Variants in L3MBTL3 observed in about 807,000 individuals in gnomAD.
The protein encoded by L3MBTL3 is lethal(3)malignant brain tumor-like protein 3.
In L3MBTL3, 27 loss-of-function variants were observed where a neutral mutation model predicts 102.3. The ratio of observed to expected loss-of-function variants is 0.26; its 90% CI spans 0.19 to 0.36. The LOEUF (loss-of-function observed/expected upper bound fraction) is 0.36. Ranked by LOEUF, L3MBTL3 falls within the 10% of genes least tolerant of loss-of-function variation. The probability of loss-of-function intolerance (pLI) is 1.00; values close to 1 mark genes in which losing one functional copy is unlikely to be tolerated. For synonymous variants in L3MBTL3, 340 were observed against 320.9 expected, an observed-to-expected ratio of 1.06 and a Z score of -0.64; for missense variants, 798 against 955.3, an observed-to-expected ratio of 0.84 and a Z score of 2.17.
intron 18 of L3MBTL3, among the ~76,000 whole-genome samples, chr6:130,098,092 A>G (rs75885987): frequency 0.026 from 3,949 of 152,268 alleles, 94 homozygotes; most frequent in Non-Finnish European, 0.04. Flanking sequence ...AACATTCTGC[A>G]CATCAAGTGC....
intron 3 of L3MBTL3, among the ~76,000 whole-genome samples, 183 bp downstream of exon 3, chr6:130,042,984 G>C (rs1780517485): frequency 1.3e-5 from 2 of 152,222 alleles, no homozygotes; most frequent in South Asian, 4.1e-4. Flanking sequence ...GAATGGCAGA[G>C]CCTTTGTCAC....
intron 10 of L3MBTL3, among the ~76,000 whole-genome samples, chr6:130,061,410 C>G (rs1781897164): frequency 6.6e-6 from 1 of 152,160 alleles, no homozygotes. Context: ...GTTCTCAAAA[C>G]AACCTTTTGA....
intron 14 of L3MBTL3, among the ~76,000 whole-genome samples, chr6:130,078,973 T>G (rs1489912793): frequency 1.3e-5 from 2 of 152,230 alleles, no homozygotes; most frequent in African/African-American, 4.8e-5. Context: ...AGTTCTGTTT[T>G]AAAAGATCTT....
At chr6:130,040,331 CAAAAAA>C (rs200580576) in intron 2 of L3MBTL3, among the ~76,000 whole-genome samples, 6 of 100,524 alleles carry the variant, frequency 6.0e-5, no homozygotes, top group Non-Finnish European at 1.3e-4. Flanking sequence ...AACTCTGTCT[CAAAAAA>C]AAAAAAAAAA....
chr6:130,064,817 G>A (rs914635633), intron 10 of L3MBTL3, among the ~76,000 whole-genome samples: 2 of 152,240 alleles, frequency 1.3e-5, no homozygotes, highest in East Asian at 1.9e-4. Flanking sequence ...CGGTGAGCCT[G>A]AGATAGAGAC....
At chr6:130,105,934 G>A (rs1328742870) in intron 19 of L3MBTL3, among the ~76,000 whole-genome samples, 1 of 152,104 alleles carries the variant, frequency 6.6e-6, no homozygotes, top group Non-Finnish European at 1.5e-5. Context: ...CTTTTTGGCT[G>A]TAAATCCATA....
At position 130,070,488 on chromosome 6, in the gene L3MBTL3, C is replaced by T. The variant is rs541676724; in HGVS notation, c.1093-488C>T. 8.2e-4 allele frequency among the ~76,000 whole-genome samples: 125 copies of T among 152,226 alleles called. No individual in the cohort carries two copies. In the Middle Eastern group the frequency reaches 0.01, roughly 12 times the overall value. Reference sequence around the variant, plus strand: ...TTCATATATGAAGATGACCTACTTTCGAGAGTACTCTTTTGAGAGATATTT... The same window carrying T: ...TTCATATATGAAGATGACCTACTTTTGAGAGTACTCTTTTGAGAGATATTT... On this transcript the variant is annotated intron_variant, in intron 12 of 22. Transcript: ENST00000361794.
intron 10 of L3MBTL3, among the ~76,000 whole-genome samples, chr6:130,061,627 T>A (rs1423115174): frequency 1.3e-5 from 2 of 152,230 alleles, no homozygotes; most frequent in Non-Finnish European, 2.9e-5. Context: ...AGACATTGTA[T>A]GTTCTCTCCT....
intron 2 of L3MBTL3, among the ~76,000 whole-genome samples, chr6:130,035,672 T>A (rs1043574611): frequency 1.3e-5 from 2 of 152,178 alleles, no homozygotes; most frequent in African/African-American, 4.8e-5. Flanking sequence ...ATCAATGCCT[T>A]TGGTTGCAGC....
rs769744324 is a variant in L3MBTL3 at position 130,079,564 on chromosome 6, A to G, written c.1321+930A>G. Reference sequence around the variant, plus strand: ...TGAAAAGACAGGATCATCAAACTGAAAGCATCCCTGCGCAGTAGACAATTG... The same window carrying G: ...TGAAAAGACAGGATCATCAAACTGAGAGCATCCCTGCGCAGTAGACAATTG... On this transcript the variant is annotated intron_variant, in intron 14 of 22. Transcript: ENST00000361794. Among the ~76,000 whole-genome samples the G allele has an allele frequency of 6.6e-5, 10 of 152,180 alleles. No homozygotes were observed. The South Asian group carries it at 8.3e-4, about 13-fold the overall frequency.
chr6:130,082,795 A>G (rs1375688202), intron 14 of L3MBTL3, among the ~76,000 whole-genome samples: 2 of 152,240 alleles, frequency 1.3e-5, no homozygotes, highest in African/African-American at 4.8e-5. Flanking sequence ...ATACATGTGT[A>G]TAAATATATG....
At chr6:130,025,202 G>A (rs75927898) in intron 2 of L3MBTL3, among the ~76,000 whole-genome samples, 2 of 152,292 alleles carry the variant, frequency 1.3e-5, no homozygotes, top group Non-Finnish European at 2.9e-5. Context: ...TATAGTATAG[G>A]TAAAGATAGT....
chr6:130,021,456 T>TA (rs1271524742), intron 1 of L3MBTL3, among the ~76,000 whole-genome samples: 1 of 152,236 alleles, frequency 6.6e-6, no homozygotes, highest in African/African-American at 2.4e-5. Flanking sequence ...GAAAGACACT[T>TA]TGCTTTTATT....
In L3MBTL3 at chr6:130,049,168, T is replaced by A. The variant is rs187837808; in HGVS notation, c.103-114T>A. ...GTGTATCAGGATATAATTGTCTAAATTAACTTTTACCATGTAATTAATTTG... is the reference window on the plus strand; with the variant it reads ...GTGTATCAGGATATAATTGTCTAAAATAACTTTTACCATGTAATTAATTTG... On this transcript the variant is annotated intron_variant, in intron 3 of 22. Coordinates refer to ENST00000361794, the MANE Select transcript of L3MBTL3 (RefSeq NM_032438.4). 300 of 649,216 alleles carry A rather than the reference T, an allele frequency of 4.6e-4. 2 individuals are homozygous for A. In the East Asian group the frequency reaches 7.8e-3, roughly 17 times the overall value. 40.2% of individuals were successfully genotyped at this position (649,216 alleles called of 1,614,324 possible).
chr6:130,066,258 C>A, intron 10 of L3MBTL3, 95 bp from the exon 11 acceptor site: 1 of 380,262 alleles, frequency 2.6e-6, no homozygotes, highest in African/African-American at 2.1e-5. Flanking sequence ...AAGACTATAT[C>A]ATGCCTGGTG....
intron 19 of L3MBTL3, among the ~76,000 whole-genome samples, chr6:130,116,063 C>T (rs981846223): frequency 6.6e-6 from 1 of 152,176 alleles, no homozygotes; most frequent in Non-Finnish European, 1.5e-5. Context: ...ATAACCCAGA[C>T]AGTCTGACTG....
chr6:130,099,092 C>G (rs1257182557), intron 18 of L3MBTL3, among the ~76,000 whole-genome samples: 1 of 151,966 alleles, frequency 6.6e-6, no homozygotes, highest in African/African-American at 2.4e-5. Context: ...ACCTAATGAG[C>G]TGGACCAGCC....
chr6:130,117,764 A>G (rs1054191278), intron 19 of L3MBTL3, among the ~76,000 whole-genome samples: 2 of 152,092 alleles, frequency 1.3e-5, no homozygotes, highest in Non-Finnish European at 2.9e-5. Flanking sequence ...CAGTGGTGCA[A>G]TCATGGCTCA....
At chr6:130,134,361 A>G (rs1482512733) in intron 22 of L3MBTL3, among the ~76,000 whole-genome samples, 6 of 152,216 alleles carry the variant, frequency 3.9e-5, no homozygotes, top group Non-Finnish European at 8.8e-5. Flanking sequence ...GTCTAAAAAA[A>G]TCCCTTAAGT....
Sources: allele counts gnomAD v4.1 joint callset (sites outside exome capture counted in the v4.1 genomes callset), GRCh38; gene constraint gnomAD v4.1.1; transcripts MANE v1.5; gene names NCBI Gene and HGNC (gene_info 2026-07-23, HGNC 2026-07-21).